TRMT61B: variants seen among roughly 807,000 people sequenced by gnomAD.
TRMT61B encodes the protein tRNA methyltransferase 61B, also known as tRNA (adenine(58)-N(1))-methyltransferase, mitochondrial.
TRMT61B carries 56 observed loss-of-function variants against 52.0 expected under a neutral mutation model. The observed-to-expected ratio is 1.08, with a 90% confidence interval of 0.87 to 1.35. The LOEUF is 1.35. TRMT61B is among the 40% of genes most tolerant of loss of function. The probability of loss-of-function intolerance (pLI) is 0.00; values close to 1 mark genes in which losing one functional copy is unlikely to be tolerated. For missense variants in TRMT61B, 650 were observed against 577.9 expected (o/e 1.12, Z -1.28); for synonymous variants, 206 against 220.0 (o/e 0.94, Z 0.56).
rs1669517306 is a variant in TRMT61B, at chr2:28,859,737, TATC to T, written c.993+1378_993+1380del. Among the ~76,000 whole-genome samples the T allele has an allele frequency of 2.0e-5, 3 of 152,310 alleles. No individual in the cohort carries two copies. In the Middle Eastern group the frequency reaches 0.01, roughly 518 times the overall value. ...GCAGGTTTCTACAAAGCTTCAATGA[TATC>T]ATTAAAATCCTTTGTTGTGTTTCAT... On this transcript the variant is annotated intron_variant, in intron 3 of 6. Transcript: ENST00000306108.
intron 1 of TRMT61B, among the ~76,000 whole-genome samples, 158 bp from the exon 2 acceptor site, chr2:28,865,277 G>A (rs1392557085): frequency 6.6e-6 from 1 of 152,194 alleles, no homozygotes; most frequent in African/African-American, 2.4e-5. Flanking sequence ...TGAAATAAAA[G>A]AGATCCAAGA....
In TRMT61B at chr2:28,864,400, A is replaced by G. The variant is rs143504561; in HGVS notation, c.802+617T>C. Among the ~76,000 whole-genome samples the G allele has an allele frequency of 1.8e-3, 268 of 152,354 alleles. 1 individual carries two copies. The highest frequency in any genetic ancestry group is 2.4e-3 in the Non-Finnish European group (160 of 68,024). The stretch of plus-strand genomic sequence containing the variant: ...AAAATAGGTAAATTGTGATTTAAAT[A>G]GAGAGTATTATACAGCAACTAAAAT... On this transcript the variant is annotated intron_variant, in intron 2 of 6. Coordinates refer to ENST00000306108, the MANE Select transcript of TRMT61B (RefSeq NM_017910.4).
chr2:28,858,945 G>C (rs1480202855), intron 3 of TRMT61B, among the ~76,000 whole-genome samples: 2 of 151,508 alleles, frequency 1.3e-5, no homozygotes, highest in Non-Finnish European at 2.9e-5. Flanking sequence ...CCAGGCTGGA[G>C]TGCAGTGGCG....
chr2:28,857,721 A>G (rs918906587), intron 3 of TRMT61B, among the ~76,000 whole-genome samples: 1 of 152,214 alleles, frequency 6.6e-6, no homozygotes, highest in Non-Finnish European at 1.5e-5. Context: ...CAGTGGACCA[A>G]TCTGAATGGA....
In TRMT61B at chr2:28,851,164, T is replaced by G. The variant is rs1250933897; in HGVS notation, c.1220A>C (p.Gln407Pro). ...LAKQKNGILA[Q>P]KVESKINTDV... is the part of the protein sequence containing the mutation. ...TGTGTTGATTTTAGATTCTACTTTT[T>G]GAGCTAAAATTCCATTTTTCTGTTT... is the stretch of plus-strand genomic sequence containing the variant. Residue 407 changes from glutamine (Q) to proline (P), a missense_variant, in exon 5 of 7, where the codon CAA becomes CCA. Gln to Pro is a moderately conservative substitution (Grantham distance 76). Transcript: ENST00000306108. 1 of 1,613,534 alleles carries G rather than the reference T, an allele frequency of 6.2e-7. No homozygotes were observed. Among genetic ancestry groups the G allele is most frequent in the South Asian group, 1.1e-5 (1 of 90,962 alleles).
chr2:28,861,335 CATA>C (rs1369786274), intron 2 of TRMT61B, 27 bp from the exon 3 acceptor site: 18 of 1,516,600 alleles, frequency 1.2e-5, no homozygotes, highest in East Asian at 4.8e-5. Flanking sequence ...TTTGATATTT[CATA>C]ATATTAATCA....
intron 1 of TRMT61B, among the ~76,000 whole-genome samples, chr2:28,867,450 G>A (rs1041418377): frequency 1.3e-5 from 2 of 152,092 alleles, no homozygotes; most frequent in African/African-American, 4.8e-5. Context: ...AGGGAGATCA[G>A]TTTTTAAACA....
At chr2:28,862,421 C>T (rs1669647596) in intron 2 of TRMT61B, among the ~76,000 whole-genome samples, 1 of 150,250 alleles carries the variant, frequency 6.7e-6, no homozygotes, top group South Asian at 2.1e-4. Context: ...CAACCCCCAC[C>T]TCCCAGGCTC....
chr2:28,864,575 A>G (rs1248417527), intron 2 of TRMT61B, among the ~76,000 whole-genome samples: 3 of 152,280 alleles, frequency 2.0e-5, no homozygotes, highest in East Asian at 1.9e-4. Flanking sequence ...AAGTCACAAT[A>G]GTGGTTTCCT....
In TRMT61B at chr2:28,852,502, G is replaced by C; in HGVS notation, c.994-3C>G. Reference sequence around the variant, plus strand: ...GGATTTAACATATCCAAAGCTACCTGTGTGGGGGAAAAAGAGAACTGGATC... The same window carrying C: ...GGATTTAACATATCCAAAGCTACCTCTGTGGGGGAAAAAGAGAACTGGATC... On this transcript the variant is annotated splice_polypyrimidine_tract_variant and splice_region_variant and intron_variant, in intron 3 of 6. Coordinates refer to ENST00000306108, the MANE Select transcript of TRMT61B (RefSeq NM_017910.4). 1 of 1,590,212 alleles carries C rather than the reference G, an allele frequency of 6.3e-7. No homozygotes were observed. Among genetic ancestry groups the C allele is most frequent in the Non-Finnish European group, 8.6e-7 (1 of 1,165,266 alleles).
chr2:28,860,053 C>T (rs1156427958), intron 3 of TRMT61B, among the ~76,000 whole-genome samples: 2 of 151,868 alleles, frequency 1.3e-5, no homozygotes, highest in Non-Finnish European at 2.9e-5. Context: ...GGGCAGATCA[C>T]CTAAGGTTAG....
chr2:28,857,890 G>T (rs528906812), intron 3 of TRMT61B, among the ~76,000 whole-genome samples: 6 of 152,224 alleles, frequency 3.9e-5, no homozygotes, highest in African/African-American at 1.4e-4. Context: ...TTACATGTAG[G>T]CGGTCATTTC....
intron 2 of TRMT61B, 24 bp from the exon 3 acceptor site, chr2:28,861,332 T>C (rs1022694415): frequency 6.6e-7 from 1 of 1,522,430 alleles, no homozygotes; most frequent in South Asian, 1.3e-5. Flanking sequence ...TAATTTGATA[T>C]TTCATAATAT....
intron 3 of TRMT61B, among the ~76,000 whole-genome samples, chr2:28,860,090 G>A (rs144811371): frequency 0.012 from 1,810 of 151,626 alleles, 25 homozygotes; most frequent in African/African-American, 0.038. Flanking sequence ...TGGCCAACAT[G>A]GTGAAACCCC....
intron 3 of TRMT61B, 58 bp downstream of exon 3, chr2:28,861,060 G>A: frequency 7.0e-7 from 1 of 1,420,640 alleles, no homozygotes; most frequent in Non-Finnish European, 9.4e-7. Flanking sequence ...AAAGAAGCCT[G>A]ACCCCTATCT....
intron 2 of TRMT61B, among the ~76,000 whole-genome samples, chr2:28,862,333 G>GTTTTTTTTT (rs369559361): frequency 7.9e-6 from 1 of 126,890 alleles, no homozygotes; most frequent in African/African-American, 3.0e-5. Flanking sequence ...TTTGAGTTTG[G>GTTTTTTTTT]TTTTTTTTTT....
chr2:28,851,903 G>GAAAA (rs1669121527), intron 4 of TRMT61B, among the ~76,000 whole-genome samples: 6 of 98,632 alleles, frequency 6.1e-5, no homozygotes, highest in Admixed American at 2.0e-4. Context: ...AAAAAAAAAC[G>GAAAA]AAAAAAGTTT....
intron 1 of TRMT61B, 65 bp downstream of exon 1, chr2:28,869,514 A>G (rs1669989617): frequency 1.8e-6 from 2 of 1,114,488 alleles, no homozygotes; most frequent in Non-Finnish European, 2.7e-6. Context: ...ATTAATCAGG[A>G]CTGAGTACTG....
intron 1 of TRMT61B, among the ~76,000 whole-genome samples, chr2:28,868,533 G>A (rs1235541251): frequency 6.6e-6 from 1 of 152,148 alleles, no homozygotes; most frequent in African/African-American, 2.4e-5. Flanking sequence ...TGAGGGTGAG[G>A]ACTGCAGTTC....
Sources: allele counts gnomAD v4.1 joint callset (sites outside exome capture counted in the v4.1 genomes callset), GRCh38; gene constraint gnomAD v4.1.1; transcripts MANE v1.5; gene names NCBI Gene and HGNC (gene_info 2026-07-23, HGNC 2026-07-21).